GRIK1: variants seen among roughly 807,000 people sequenced by gnomAD.
GRIK1 encodes the protein glutamate ionotropic receptor kainate type subunit 1, also known as glutamate receptor ionotropic, kainate 1.
GRIK1 carries 69 observed loss-of-function variants against 105.7 expected under a neutral mutation model. That is an observed-to-expected ratio of 0.65 (90% confidence interval 0.54 to 0.80). GRIK1 has a LOEUF of 0.80. Ranked by LOEUF, GRIK1 falls within the 30% of genes least tolerant of loss-of-function variation. GRIK1 has a pLI of 0.00. For synonymous variants in GRIK1, 438 were observed against 431.3 expected (o/e 1.02, Z -0.19); for missense variants, 1,109 against 1,167.3 (o/e 0.95, Z 0.73).
intron 11 of GRIK1, 128 bp from the exon 12 acceptor site, chr21:29,587,717 T>C (rs901342758): frequency 1.7e-6 from 1 of 581,830 alleles, no homozygotes; most frequent in Non-Finnish European, 2.9e-6. Context: ...CCTGTGATGG[T>C]TGGTTCTAAT....
intron 1 of GRIK1, among the ~76,000 whole-genome samples, chr21:29,862,614 A>G (rs1350477224): frequency 6.6e-6 from 1 of 152,124 alleles, no homozygotes; most frequent in Non-Finnish European, 1.5e-5. Context: ...AACCTTCCTC[A>G]TTTATCATGA....
At position 29,788,037 on chromosome 21, in the gene GRIK1, ATTTG is replaced by A. The variant is rs151153354; in HGVS notation, c.119-93978_119-93975del. On this transcript the variant is annotated intron_variant, in intron 1 of 17. Transcript: ENST00000327783. ...CATTCATTTGTTCATTTATGTAATC[ATTTG>A]TTTGCTTCTTCGATAATCTAACAAA... 5.9e-4 allele frequency among the ~76,000 whole-genome samples: 90 copies of A among 152,328 alleles called. 1 individual carries two copies. In the East Asian group the frequency reaches 0.016, roughly 28 times the overall value.
intron 1 of GRIK1, among the ~76,000 whole-genome samples, chr21:29,749,795 A>C (rs1019038737): frequency 6.6e-6 from 1 of 152,224 alleles, no homozygotes; most frequent in African/African-American, 2.4e-5. Context: ...TATCTGTGTG[A>C]ATTTCATTAA....
At chr21:29,729,773 GT>G (rs1431801206) in intron 1 of GRIK1, among the ~76,000 whole-genome samples, 5 of 152,122 alleles carry the variant, frequency 3.3e-5, no homozygotes, top group African/African-American at 1.2e-4. Flanking sequence ...TTCTGGAGAT[GT>G]TACCTATATG....
chr21:29,840,874 C>G (rs1395848132), intron 1 of GRIK1, among the ~76,000 whole-genome samples: 1 of 151,932 alleles, frequency 6.6e-6, no homozygotes, highest in Non-Finnish European at 1.5e-5. Context: ...AAAATACACA[C>G]AACAGCTGGG....
At chr21:29,634,367 C>T (rs1407127946) in intron 7 of GRIK1, among the ~76,000 whole-genome samples, 1 of 152,188 alleles carries the variant, frequency 6.6e-6, no homozygotes, top group East Asian at 1.9e-4. Flanking sequence ...CTCTCAGTGA[C>T]ATCCCATAAG....
intron 1 of GRIK1, among the ~76,000 whole-genome samples, chr21:29,702,356 A>G (rs1030520365): frequency 3.9e-5 from 6 of 152,132 alleles, no homozygotes; most frequent in African/African-American, 9.7e-5. Context: ...AGATATATCA[A>G]TCTGGATCTT....
chr21:29,681,171 T>C lies in GRIK1; in HGVS notation c.545-8007A>G, dbSNP rs994621683. Among the ~76,000 whole-genome samples, 3 of 152,114 alleles carry C rather than the reference T, an allele frequency of 2.0e-5. No homozygotes were observed. The East Asian group carries it at 5.8e-4, about 29-fold the overall frequency. On this transcript the variant is annotated intron_variant, in intron 3 of 17. Coordinates refer to ENST00000327783, the MANE Select transcript of GRIK1 (RefSeq NM_001330994.2). ...AAGAAAAAAGTAAACATAGTACATA[T>C]AGGGTTCAGTACTATCCGTGGTTTC... is the stretch of plus-strand genomic sequence containing the variant.
intron 1 of GRIK1, among the ~76,000 whole-genome samples, chr21:29,782,432 G>A (rs2066149240): frequency 6.6e-6 from 1 of 152,154 alleles, no homozygotes; most frequent in Non-Finnish European, 1.5e-5. Context: ...GAGTCATGGA[G>A]AAAGTTTATA....
At chr21:29,916,210 G>A (rs941639721) in intron 1 of GRIK1, among the ~76,000 whole-genome samples, 3 of 151,768 alleles carry the variant, frequency 2.0e-5, no homozygotes, top group African/African-American at 4.8e-5. Flanking sequence ...TTCAAGATTG[G>A]AAAAATATGT....
rs145019706 is a variant in GRIK1 at position 29,654,860 on chromosome 21, G to A, written c.730C>T (p.Leu244=). Residue 244 remains leucine, a synonymous_variant, in exon 5 of 18, where the codon CTG becomes TTG. Coordinates refer to ENST00000327783, the MANE Select transcript of GRIK1 (RefSeq NM_001330994.2). ...TACTCGGTCATCATGCCCATGAACA[G>A]AATCTGCAAAAGAGAAATAAGGGGA... is the stretch of plus-strand genomic sequence containing the variant. ...ETAAEILKQI[L]FMGMMTEYYH... 12 of 1,570,744 alleles carry A rather than the reference G, an allele frequency of 7.6e-6. No individual in the cohort carries two copies. The African/African-American group carries it at 1.6e-4, about 21-fold the overall frequency.
chr21:29,591,087 C>A (rs376210838), intron 10 of GRIK1, 25 bp downstream of exon 10: 1 of 1,246,068 alleles, frequency 8.0e-7, no homozygotes, highest in African/African-American at 1.5e-5. Flanking sequence ...GATAAGACAC[C>A]CTCAATTCCA....
chr21:29,556,822 C>T (rs992057950), intron 15 of GRIK1, among the ~76,000 whole-genome samples: 66 of 152,088 alleles, frequency 4.3e-4, no homozygotes, highest in African/African-American at 1.5e-3. Flanking sequence ...TCTTTCAATC[C>T]GCACTGGACT....
chr21:29,620,780 TAGATATATATATCTATATATATATAG>T (rs1568897218), intron 7 of GRIK1, among the ~76,000 whole-genome samples: 1 of 124,628 alleles, frequency 8.0e-6, no homozygotes, highest in African/African-American at 3.5e-5. Context: ...CATATATATA[TAGATATATATATCTATATATATATAG>T]ATATATATAT....
Position 29,558,376 on chromosome 21 carries a change from T to TCACACA in GRIK1, c.2357-3080_2357-3075dup, listed in dbSNP as rs35594883. 2.8e-3 allele frequency among the ~76,000 whole-genome samples: 414 copies of TCACACA among 147,016 alleles called. 2 individuals carry two copies. Among genetic ancestry groups the TCACACA allele is most frequent in the African/African-American group, 8.9e-3 (353 of 39,798 alleles). On this transcript the variant is annotated intron_variant, in intron 15 of 17. Coordinates refer to ENST00000327783, the MANE Select transcript of GRIK1 (RefSeq NM_001330994.2). ...TATATATATATTTCATATATATATT[T>TCACACA]CACACACACACACACACACACATAT...
chr21:29,609,148 A>AAT (rs2061678667), intron 7 of GRIK1, among the ~76,000 whole-genome samples: 1 of 150,256 alleles, frequency 6.7e-6, no homozygotes, highest in South Asian at 2.1e-4. Context: ...ATAAGATAAT[A>AAT]ATATATTATC....
At chr21:29,742,605 CATTTT>C (rs1380205658) in intron 1 of GRIK1, among the ~76,000 whole-genome samples, 1 of 152,188 alleles carries the variant, frequency 6.6e-6, no homozygotes, top group African/African-American at 2.4e-5. Flanking sequence ...TTCTTGTACA[CATTTT>C]ATTTTTTGCC....
intron 1 of GRIK1, among the ~76,000 whole-genome samples, chr21:29,867,753 C>T (rs1342693821): frequency 6.7e-6 from 1 of 150,256 alleles, no homozygotes; most frequent in African/African-American, 2.5e-5. Context: ...TAGATCATGC[C>T]ACTGCGCTCC....
chr21:29,793,396 C>G (rs1315404149), intron 1 of GRIK1, among the ~76,000 whole-genome samples: 1 of 152,140 alleles, frequency 6.6e-6, no homozygotes, highest in Non-Finnish European at 1.5e-5. Context: ...CCATATGTAA[C>G]AGCCCTGCTA....
Sources: gnomAD v4.1 joint callset for allele counts (sites outside exome capture counted in the v4.1 genomes callset) on GRCh38, gnomAD v4.1.1 for gene constraint, MANE v1.5 for transcripts, NCBI Gene and HGNC (gene_info 2026-07-23, HGNC 2026-07-21) for gene names.